Variants in CDH12 observed in about 807,000 individuals in gnomAD.
CDH12 encodes the protein cadherin 12, also known as cadherin-12.
In CDH12, 41 loss-of-function variants were observed where a neutral mutation model predicts 74.1. The ratio of observed to expected loss-of-function variants is 0.55; its 90% CI spans 0.43 to 0.72. CDH12 has a LOEUF of 0.72. Among genes scored for constraint, CDH12 ranks in the 30% least tolerant of loss-of-function variants. CDH12 has a pLI of 0.00. For synonymous variants in CDH12, 399 were observed against 355.0 expected (o/e 1.12, Z -1.39); for missense variants, 945 against 977.2 (o/e 0.97, Z 0.44).
chr5:22,839,281 A>G (rs958976467), intron 1 of CDH12, among the ~76,000 whole-genome samples: 1 of 152,022 alleles, frequency 6.6e-6, no homozygotes, highest in Non-Finnish European at 1.5e-5. Context: ...AACATCATTT[A>G]CATGTTTCTT....
At chr5:22,555,946 A>G (rs529565388) in intron 1 of CDH12, among the ~76,000 whole-genome samples, 1 of 152,168 alleles carries the variant, frequency 6.6e-6, no homozygotes, top group South Asian at 2.1e-4. Context: ...CAGATATATT[A>G]GATAAACAAT....
In CDH12 at chr5:22,633,941, G is replaced by A. The variant is rs992024345; in HGVS notation, c.-522-128577C>T. 3.3e-5 allele frequency among the ~76,000 whole-genome samples: 5 copies of A among 152,166 alleles called. No homozygotes were observed. The South Asian group carries it at 6.2e-4, about 19-fold the overall frequency. ...GGATGGGATTATAATATATTAGCACGTAAATGAACAATTATAATGTATAAG... is the reference window on the plus strand; with the variant it reads ...GGATGGGATTATAATATATTAGCACATAAATGAACAATTATAATGTATAAG... On this transcript the variant is annotated intron_variant, in intron 1 of 14. Coordinates refer to ENST00000382254, the MANE Select transcript of CDH12 (RefSeq NM_004061.5).
intron 2 of CDH12, among the ~76,000 whole-genome samples, chr5:22,436,594 CCT>C (rs1485904188): frequency 2.6e-5 from 4 of 151,902 alleles, no homozygotes; most frequent in African/African-American, 4.8e-5. Flanking sequence ...CTGCAAATCC[CCT>C]GTCTTGAGAA....
intron 1 of CDH12, among the ~76,000 whole-genome samples, chr5:22,704,406 AT>A (rs1010374233): frequency 4.6e-4 from 70 of 151,278 alleles, no homozygotes; most frequent in Admixed American, 9.3e-4. Flanking sequence ...TTGCAATCAA[AT>A]TTTTTTTTAG....
intron 2 of CDH12, among the ~76,000 whole-genome samples, chr5:22,478,200 T>C (rs1746243993): frequency 6.6e-6 from 1 of 151,754 alleles, no homozygotes; most frequent in African/African-American, 2.4e-5. Context: ...GGGTGGATCA[T>C]GAGGTCAGGA....
chr5:22,396,517 A>T (rs914475074), intron 3 of CDH12, among the ~76,000 whole-genome samples: 5 of 152,154 alleles, frequency 3.3e-5, no homozygotes, highest in Non-Finnish European at 7.4e-5. Context: ...AGATTCTGGG[A>T]TTAGCAGGTG....
At chr5:22,035,035 G>C (rs1443538764) in intron 5 of CDH12, among the ~76,000 whole-genome samples, 1 of 152,092 alleles carries the variant, frequency 6.6e-6, no homozygotes, top group Non-Finnish European at 1.5e-5. Flanking sequence ...ATTATTTGAG[G>C]ATCTGCTGTA....
At chr5:22,174,157 A>G (rs1749202499) in intron 4 of CDH12, among the ~76,000 whole-genome samples, 1 of 151,996 alleles carries the variant, frequency 6.6e-6, no homozygotes, top group Admixed American at 6.6e-5. Flanking sequence ...AAAATGTGGC[A>G]CAAGATTCAT....
rs10685463 is a variant in CDH12 at position 22,489,056 on chromosome 5, C to CTTTTTTTTTTTT, written c.-428+16202_-428+16213dup. 4.0e-3 allele frequency among the ~76,000 whole-genome samples: 149 copies of CTTTTTTTTTTTT among 37,314 alleles called. 52 individuals carry two copies. The highest frequency in any genetic ancestry group is 0.019 in the South Asian group (21 of 1,090). The allele number at this position is 37,314 out of a possible 152,430, so 24.5% of individuals were successfully genotyped here. On this transcript the variant is annotated intron_variant, in intron 2 of 14. Transcript: ENST00000382254. ...AGTAATTGCAGTTTTTTGGTACCACCTTTTTTTTTTTTTTTTTTTGAGACA... is the reference window on the plus strand; with the variant it reads ...AGTAATTGCAGTTTTTTGGTACCACCTTTTTTTTTTTTTTTTTTTTTTTTTTTTTTTGAGACA...
rs548099622 is a variant in CDH12 at position 22,022,940 on chromosome 5, TG to T, written c.232-47556del. On this transcript the variant is annotated intron_variant, in intron 5 of 14. Transcript: ENST00000382254. ...CCAAAGCAGTGCAAAATAATCTAAC[TG>T]GTTTCCCTTCCTTTCATTATCACCA... 2.5e-3 allele frequency among the ~76,000 whole-genome samples: 382 copies of T among 152,308 alleles called. 1 individual carries two copies. Among genetic ancestry groups the T allele is most frequent in the Admixed American group, 4.0e-3 (61 of 15,286 alleles).
intron 9 of CDH12, among the ~76,000 whole-genome samples, chr5:21,812,755 A>G (rs1333181271): frequency 6.6e-6 from 1 of 152,182 alleles, no homozygotes; most frequent in Non-Finnish European, 1.5e-5. Flanking sequence ...GACAGTTTTT[A>G]AGTTTCATTA....
chr5:22,680,420 G>T (rs995498622), intron 1 of CDH12, among the ~76,000 whole-genome samples: 1 of 151,806 alleles, frequency 6.6e-6, no homozygotes, highest in African/African-American at 2.4e-5. Flanking sequence ...ATAATACATT[G>T]TATCTTCTCT....
chr5:22,573,903 G>C (rs1281977660), intron 1 of CDH12, among the ~76,000 whole-genome samples: 1 of 151,882 alleles, frequency 6.6e-6, no homozygotes, highest in Non-Finnish European at 1.5e-5. Flanking sequence ...TTTACCTCTG[G>C]AAGGAACTAG....
chr5:22,556,283 T>C (rs1451587201), intron 1 of CDH12, among the ~76,000 whole-genome samples: 1 of 152,066 alleles, frequency 6.6e-6, no homozygotes, highest in Non-Finnish European at 1.5e-5. Flanking sequence ...GAAGTAAGGC[T>C]ATGGGCAAGC....
At chr5:22,386,772 T>C (rs979255937) in intron 3 of CDH12, among the ~76,000 whole-genome samples, 1 of 151,972 alleles carries the variant, frequency 6.6e-6, no homozygotes, top group African/African-American at 2.4e-5. Flanking sequence ...ATTTATTGTG[T>C]TGTTTAATAT....
At chr5:22,484,820 T>A in intron 2 of CDH12, among the ~76,000 whole-genome samples, 1 of 152,302 alleles carries the variant, frequency 6.6e-6, no homozygotes, top group South Asian at 2.1e-4. Flanking sequence ...ACATACATAT[T>A]TCTCCTATTT....
chr5:21,883,514 T>C, intron 6 of CDH12: 4 of 1,612,858 alleles, frequency 2.5e-6, no homozygotes, highest in African/African-American at 1.3e-5. Context: ...TTGGTGACAA[T>C]AGAAAGAACC....
chr5:22,682,190 T>C (rs1442521839), intron 1 of CDH12, among the ~76,000 whole-genome samples: 1 of 152,090 alleles, frequency 6.6e-6, no homozygotes, highest in Non-Finnish European at 1.5e-5. Context: ...TTAGTTCAGC[T>C]GTTAGAATAA....
intron 1 of CDH12, among the ~76,000 whole-genome samples, chr5:22,830,454 G>A (rs1232536540): frequency 2.6e-5 from 4 of 151,726 alleles, no homozygotes; most frequent in Admixed American, 2.0e-4. Flanking sequence ...GAGTTATCTG[G>A]ATATTTTTTA....
Sources: allele counts gnomAD v4.1 joint callset (sites outside exome capture counted in the v4.1 genomes callset), GRCh38; gene constraint gnomAD v4.1.1; transcripts MANE v1.5; gene names NCBI Gene and HGNC (gene_info 2026-07-23, HGNC 2026-07-21).